The following STPG2 variants were observed in gnomAD, a reference collection of about 807,000 sequenced individuals.
STPG2 encodes the protein sperm-tail PG-rich repeat-containing protein 2.
STPG2 carries 56 observed loss-of-function variants against 54.2 expected under a neutral mutation model. The ratio of observed to expected loss-of-function variants is 1.03; its 90% CI spans 0.83 to 1.29. STPG2 has a LOEUF of 1.29. STPG2 is among the 50% of genes most tolerant of loss of function. The pLI, the probability that STPG2 is intolerant of heterozygous loss-of-function variation, is 0.00. For synonymous variants in STPG2, 200 were observed against 181.8 expected, an observed-to-expected ratio of 1.10 and a Z score of -0.81; for missense variants, 596 against 544.9, an observed-to-expected ratio of 1.09 and a Z score of -0.93.
intron 4 of STPG2, among the ~76,000 whole-genome samples, chr4:97,532,689 A>G (rs1178360932): frequency 6.6e-6 from 1 of 152,192 alleles, no homozygotes; most frequent in Non-Finnish European, 1.5e-5. Context: ...TTGTTTCACT[A>G]AAATGTGCTT....
chr4:97,739,539 C>G (rs1234487562), intron 9 of STPG2, among the ~76,000 whole-genome samples: 7 of 152,218 alleles, frequency 4.6e-5, no homozygotes, highest in Admixed American at 6.5e-5. Flanking sequence ...GATATCACCA[C>G]TGGTCCCACA....
At chr4:97,747,293 T>A (rs1725447445) in intron 9 of STPG2, among the ~76,000 whole-genome samples, 1 of 151,406 alleles carries the variant, frequency 6.6e-6, no homozygotes, top group Non-Finnish European at 1.5e-5. Flanking sequence ...ATTTATTGAA[T>A]GAGTAACTCA....
intron 10 of STPG2, among the ~76,000 whole-genome samples, chr4:97,680,489 G>A (rs1276580242): frequency 1.3e-5 from 2 of 152,120 alleles, no homozygotes; most frequent in African/African-American, 4.8e-5. Flanking sequence ...TGTATCCTGA[G>A]ACTTTGCTGA....
intron 8 of STPG2, among the ~76,000 whole-genome samples, chr4:97,864,044 G>C (rs1729666064): frequency 6.6e-6 from 1 of 152,126 alleles, no homozygotes; most frequent in Non-Finnish European, 1.5e-5. Context: ...GCACAAGACA[G>C]GGATGCCCTC....
intron 9 of STPG2, among the ~76,000 whole-genome samples, chr4:97,739,570 A>C (rs1455202588): frequency 2.0e-5 from 3 of 152,248 alleles, no homozygotes; most frequent in African/African-American, 7.2e-5. Context: ...CTACCATCAG[A>C]GAATACTACA....
intron 9 of STPG2, among the ~76,000 whole-genome samples, chr4:97,788,705 G>T (rs1174600405): frequency 6.6e-6 from 1 of 151,984 alleles, no homozygotes; most frequent in Non-Finnish European, 1.5e-5. Flanking sequence ...GTGTACAAGG[G>T]TTCCCTTTTC....
chr4:97,822,854 T>C (rs959184362), intron 9 of STPG2, among the ~76,000 whole-genome samples: 2 of 152,144 alleles, frequency 1.3e-5, no homozygotes, highest in Non-Finnish European at 1.5e-5. Flanking sequence ...TCTCCAAAAC[T>C]GGGTATTACA....
intron 8 of STPG2, among the ~76,000 whole-genome samples, chr4:97,932,136 C>T (rs572797834): frequency 1.5e-4 from 23 of 152,178 alleles, no homozygotes; most frequent in Non-Finnish European, 2.5e-4. Context: ...TCTCTCTTTG[C>T]TTCATAAGTC....
rs549759061 is a variant in STPG2 at position 97,957,477 on chromosome 4, GA to G, written c.934-13471del. Among the ~76,000 whole-genome samples, 212 of 152,038 alleles carry G rather than the reference GA, an allele frequency of 1.4e-3. 1 individual carries two copies. The highest frequency in any genetic ancestry group is 5.0e-3 in the African/African-American group (206 of 41,526). On this transcript the variant is annotated intron_variant, in intron 7 of 10. Coordinates refer to ENST00000295268, the MANE Select transcript of STPG2 (RefSeq NM_174952.3). ...ATAATTGAGAAAGAAGGGAAATCTA[GA>G]AGTTTGGAAAACATACTTGGGGAAG...
chr4:97,896,925 A>C (rs1163260846), intron 8 of STPG2, among the ~76,000 whole-genome samples: 6 of 151,576 alleles, frequency 4.0e-5, no homozygotes, highest in Admixed American at 6.6e-5. Context: ...TTTTATTTTA[A>C]GTTCTGGGTA....
At chr4:97,798,301 C>A (rs541594341) in intron 9 of STPG2, among the ~76,000 whole-genome samples, 1 of 152,264 alleles carries the variant, frequency 6.6e-6, no homozygotes, top group South Asian at 2.1e-4. Flanking sequence ...ATCTTTCCTA[C>A]TTTCTCATGT....
chr4:98,051,822 C>T (rs1235781014), intron 5 of STPG2, among the ~76,000 whole-genome samples: 5 of 151,786 alleles, frequency 3.3e-5, no homozygotes, highest in East Asian at 3.9e-4. Flanking sequence ...ATAGGAAACA[C>T]GCTGGGCGCA....
chr4:97,485,769 AT>A (rs1730339590), intron 4 of STPG2, among the ~76,000 whole-genome samples: 3 of 152,000 alleles, frequency 2.0e-5, no homozygotes, highest in African/African-American at 4.8e-5. Flanking sequence ...ACCTGGAGGC[AT>A]CACACTACCT....
At chr4:98,106,154 G>C (rs1739182906) in intron 4 of STPG2, 90 bp from the exon 5 acceptor site, 1 of 909,082 alleles carries the variant, frequency 1.1e-6, no homozygotes. Flanking sequence ...ACAGCAACAT[G>C]TCCTGCAATT....
At chr4:97,470,035 G>A (rs985429963) in intron 4 of STPG2, among the ~76,000 whole-genome samples, 11 of 152,098 alleles carry the variant, frequency 7.2e-5, no homozygotes, top group African/African-American at 2.7e-4. Flanking sequence ...TTATGTAACA[G>A]TGAATCCTAT....
chr4:97,697,627 G>C (rs891110523), intron 10 of STPG2, among the ~76,000 whole-genome samples: 2 of 152,146 alleles, frequency 1.3e-5, no homozygotes, highest in African/African-American at 4.8e-5. Context: ...GTTGGGAACA[G>C]GCCCCCAAAT....
intron 10 of STPG2, among the ~76,000 whole-genome samples, chr4:97,629,624 G>A (rs1721195070): frequency 6.6e-6 from 1 of 152,026 alleles, no homozygotes; most frequent in African/African-American, 2.4e-5. Context: ...CTTTCACAAA[G>A]TAGGTATTCA....
intron 4 of STPG2, among the ~76,000 whole-genome samples, chr4:97,537,623 G>A (rs1353046895): frequency 1.3e-5 from 2 of 152,190 alleles, no homozygotes; most frequent in African/African-American, 2.4e-5. Flanking sequence ...TGGGGGCAGG[G>A]CATAGCTGAA....
chr4:97,688,169 T>C, intron 10 of STPG2, among the ~76,000 whole-genome samples: 1 of 152,186 alleles, frequency 6.6e-6, no homozygotes, highest in Admixed American at 6.5e-5. Flanking sequence ...CTGCTTTTTT[T>C]AATGTACTAC....
Sources: gnomAD v4.1 joint callset for allele counts (sites outside exome capture counted in the v4.1 genomes callset) on GRCh38, gnomAD v4.1.1 for gene constraint, MANE v1.5 for transcripts, NCBI Gene and HGNC (gene_info 2026-07-23, HGNC 2026-07-21) for gene names.